Variants in ATP9B observed in about 807,000 individuals in gnomAD.
ATP9B encodes probable phospholipid-transporting ATPase IIB.
In ATP9B, 110 loss-of-function variants were observed where a neutral mutation model predicts 146.1. The ratio of observed to expected loss-of-function variants is 0.75; its 90% CI spans 0.65 to 0.88. The LOEUF is 0.88. ATP9B is among the 40% of genes least tolerant of loss of function. The pLI is 0.00. For synonymous variants in ATP9B, 604 were observed against 569.7 expected (o/e 1.06, Z -0.86); for missense variants, 1,499 against 1,496.4 (o/e 1.00, Z -0.03).
Position 79,182,845 on chromosome 18 carries a change from G to A in ATP9B, c.873+5938G>A, listed in dbSNP as rs987583343. On this transcript the variant is annotated intron_variant, in intron 8 of 29. Transcript: ENST00000426216. ...GGGAGGCCTGTGACTGCCCTGCAGA[G>A]CCTGGATGCCGGCCCTTCTGCCACC... Among the ~76,000 whole-genome samples the A allele has an allele frequency of 3.3e-5, 5 of 152,208 alleles. No homozygotes were observed. The South Asian group carries it at 1.0e-3, about 32-fold the overall frequency.
At chr18:79,237,395 C>T (rs906420155) in intron 11 of ATP9B, among the ~76,000 whole-genome samples, 2 of 152,254 alleles carry the variant, frequency 1.3e-5, no homozygotes, top group East Asian at 3.8e-4. Context: ...ACTGTGTACA[C>T]GGTCTGTGCA....
intron 11 of ATP9B, among the ~76,000 whole-genome samples, chr18:79,241,786 C>A (rs979130054): frequency 1.9e-4 from 29 of 152,238 alleles, no homozygotes; most frequent in Admixed American, 6.5e-5. Flanking sequence ...CTTCTGCTGG[C>A]TGAATAATTA....
rs1467796245 is a variant in ATP9B at position 79,346,477 on chromosome 18, A to G, written c.2682+638A>G. ...AGCACACATTCGGCACACATTTAGCACACTACATGCTTGGCACACACTCAG... is the reference window on the plus strand; with the variant it reads ...AGCACACATTCGGCACACATTTAGCGCACTACATGCTTGGCACACACTCAG... On this transcript the variant is annotated intron_variant, in intron 23 of 29. Coordinates refer to ENST00000426216, the MANE Select transcript of ATP9B (RefSeq NM_198531.5). 3.1e-5 allele frequency among the ~76,000 whole-genome samples: 4 copies of G among 128,980 alleles called. No individual in the cohort carries two copies. In the East Asian group the frequency reaches 7.4e-4, roughly 24 times the overall value. 84.6% of individuals were successfully genotyped at this position (128,980 alleles called of 152,430 possible).
At chr18:79,158,847 A>G (rs2094834978) in intron 7 of ATP9B, among the ~76,000 whole-genome samples, 1 of 152,166 alleles carries the variant, frequency 6.6e-6, no homozygotes, top group South Asian at 2.1e-4. Context: ...ATTTTGTTCT[A>G]GGTCTGCAGC....
chr18:79,311,681 C>T (rs1307668701), intron 15 of ATP9B, among the ~76,000 whole-genome samples: 4 of 152,106 alleles, frequency 2.6e-5, no homozygotes, highest in Admixed American at 6.6e-5. Flanking sequence ...GTAGCCAAAA[C>T]GATGAAAGTG....
chr18:79,193,314 A>T, intron 9 of ATP9B, 51 bp downstream of exon 9: 1 of 1,418,946 alleles, frequency 7.0e-7, no homozygotes, highest in Non-Finnish European at 9.9e-7. Flanking sequence ...GTAAGTTAAA[A>T]GTAGCAAACC....
At chr18:79,317,706 T>G (rs1381549314) in intron 15 of ATP9B, among the ~76,000 whole-genome samples, 5 of 152,168 alleles carry the variant, frequency 3.3e-5, no homozygotes, top group Non-Finnish European at 7.3e-5. Flanking sequence ...AAGTTCAGGA[T>G]TATGCTGGCA....
chr18:79,293,170 AT>A (rs1350939499), intron 13 of ATP9B, among the ~76,000 whole-genome samples: 1 of 151,420 alleles, frequency 6.6e-6, no homozygotes, highest in African/African-American at 2.4e-5. Context: ...TTGGATACTT[AT>A]CCCACTTGTA....
At chr18:79,282,382 T>A (rs973896286) in intron 13 of ATP9B, among the ~76,000 whole-genome samples, 3 of 152,096 alleles carry the variant, frequency 2.0e-5, no homozygotes, top group Non-Finnish European at 4.4e-5. Flanking sequence ...GAAGAGTCAG[T>A]TTATGTGGCA....
chr18:79,120,113 C>A (rs1225526407), intron 4 of ATP9B, among the ~76,000 whole-genome samples: 6 of 152,172 alleles, frequency 3.9e-5, no homozygotes. Flanking sequence ...CCCTTGAGTT[C>A]TTGCATTTTC....
chr18:79,299,330 T>C (rs1358087027), intron 13 of ATP9B, among the ~76,000 whole-genome samples: 2 of 152,194 alleles, frequency 1.3e-5, no homozygotes, highest in Admixed American at 6.5e-5. Flanking sequence ...CTCTTGTGTG[T>C]GTCTCTTCCA....
intron 12 of ATP9B, among the ~76,000 whole-genome samples, chr18:79,268,092 A>C (rs2096221691): frequency 6.6e-6 from 1 of 152,148 alleles, no homozygotes; most frequent in African/African-American, 2.4e-5. Flanking sequence ...CTCATTATAA[A>C]GGGACTTTCT....
At chr18:79,130,105 CAGA>C (rs2094352775) in intron 5 of ATP9B, among the ~76,000 whole-genome samples, 1 of 152,180 alleles carries the variant, frequency 6.6e-6, no homozygotes, top group Non-Finnish European at 1.5e-5. Context: ...GGCCCACTCC[CAGA>C]AGAAGGTAAT....
chr18:79,273,238 G>A (rs1355875609), intron 12 of ATP9B, among the ~76,000 whole-genome samples: 1 of 152,186 alleles, frequency 6.6e-6, no homozygotes, highest in Non-Finnish European at 1.5e-5. Context: ...AATAGAACAC[G>A]TGTGCATCTG....
At chr18:79,222,789 A>ATG (rs2095693146) in intron 11 of ATP9B, among the ~76,000 whole-genome samples, 1 of 152,280 alleles carries the variant, frequency 6.6e-6, no homozygotes, top group South Asian at 2.1e-4. Context: ...AATTACTATT[A>ATG]TATTAGTATT....
Position 79,196,221 on chromosome 18 carries a change from A to G in ATP9B, c.954+2958A>G, listed in dbSNP as rs142506901. 3.9e-3 allele frequency among the ~76,000 whole-genome samples: 591 copies of G among 152,286 alleles called. 2 individuals are homozygous for G. Among genetic ancestry groups the G allele is most frequent in the African/African-American group, 0.013 (539 of 41,554 alleles). Reference sequence around the variant, plus strand: ...CTTCAAAACTGTCCTGCAAGTGCCAATTCTGTGGAGAGCAGTCTCAAGCAT... The same window carrying G: ...CTTCAAAACTGTCCTGCAAGTGCCAGTTCTGTGGAGAGCAGTCTCAAGCAT... On this transcript the variant is annotated intron_variant, in intron 9 of 29. Transcript: ENST00000426216.
chr18:79,269,251 C>T (rs1360517493), intron 12 of ATP9B, among the ~76,000 whole-genome samples: 2 of 152,224 alleles, frequency 1.3e-5, no homozygotes, highest in Admixed American at 1.3e-4. Context: ...GTCCTCGCCA[C>T]ACCTTTGTTT....
At position 79,274,511 on chromosome 18, in the gene ATP9B, T is replaced by TGC. The variant is rs1364581216; in HGVS notation, c.1269-2543_1269-2542insGC. Among the ~76,000 whole-genome samples, 701 of 152,314 alleles carry TGC rather than the reference T, an allele frequency of 4.6e-3. 9 individuals are homozygous for TGC. The highest frequency in any genetic ancestry group is 0.016 in the African/African-American group (673 of 41,546). On this transcript the variant is annotated intron_variant, in intron 12 of 29. Transcript: ENST00000426216. ...TGTGCCCTATGTGGTAGTATATGCA[T>TGC]CCTATGTAGTATTACATACTCCCTA...
chr18:79,255,956 TCTC>T (rs913289906), intron 12 of ATP9B, among the ~76,000 whole-genome samples: 1 of 152,182 alleles, frequency 6.6e-6, no homozygotes, highest in Non-Finnish European at 1.5e-5. Context: ...TTGGGATTCT[TCTC>T]CTGCAAGTTG....
Sources: gnomAD v4.1 joint callset for allele counts (sites outside exome capture counted in the v4.1 genomes callset) on GRCh38, gnomAD v4.1.1 for gene constraint, MANE v1.5 for transcripts, NCBI Gene and HGNC (gene_info 2026-07-23, HGNC 2026-07-21) for gene names.